Variants in PHKB observed in about 807,000 individuals in gnomAD.
The protein encoded by PHKB is phosphorylase kinase regulatory subunit beta.
Under a neutral mutation model 152.1 loss-of-function variants are expected in PHKB, and 122 were observed. The observed-to-expected ratio is 0.80, with a 90% CI of 0.69 to 0.93. PHKB has a LOEUF of 0.93. PHKB is among the 40% of genes least tolerant of loss of function. The pLI is 0.00. For synonymous variants in PHKB, 436 were observed against 464.9 expected (o/e 0.94, Z 0.80); for missense variants, 1,304 against 1,328.4 (o/e 0.98, Z 0.29).
At chr16:47,695,116 C>T (rs1301433672) in intron 28 of PHKB, among the ~76,000 whole-genome samples, 1 of 152,134 alleles carries the variant, frequency 6.6e-6, no homozygotes, top group East Asian at 1.9e-4. Context: ...GTAGCTGCCC[C>T]AGGATGTGAC....
chr16:47,671,860 A>G (rs780464252), intron 26 of PHKB, among the ~76,000 whole-genome samples: 2 of 152,206 alleles, frequency 1.3e-5, no homozygotes, highest in Non-Finnish European at 2.9e-5. Context: ...TGCTACCTAC[A>G]GTGAACAAGA....
chr16:47,480,095 T>C (rs147430927), intron 1 of PHKB, among the ~76,000 whole-genome samples: 2 of 152,310 alleles, frequency 1.3e-5, no homozygotes, highest in Admixed American at 6.5e-5. Context: ...CTACAGTAAT[T>C]AGTGATCCCT....
At chr16:47,486,134 A>T (rs1416624068) in intron 1 of PHKB, among the ~76,000 whole-genome samples, 1 of 152,198 alleles carries the variant, frequency 6.6e-6, no homozygotes, top group African/African-American at 2.4e-5. Flanking sequence ...ACATTAATCA[A>T]ATGGTGAAAA....
intron 1 of PHKB, among the ~76,000 whole-genome samples, chr16:47,472,801 G>A (rs938237412): frequency 6.6e-6 from 1 of 151,308 alleles, no homozygotes; most frequent in African/African-American, 2.4e-5. Flanking sequence ...ACAAAAATTA[G>A]CCAGGTGTTG....
At chr16:47,543,543 C>G (rs972930515) in intron 6 of PHKB, among the ~76,000 whole-genome samples, 2 of 152,130 alleles carry the variant, frequency 1.3e-5, no homozygotes, top group South Asian at 2.1e-4. Context: ...TTCCCTCTTT[C>G]TCTATTGATT....
At chr16:47,566,590 G>C in intron 7 of PHKB, 1 of 1,504,050 alleles carries the variant, frequency 6.6e-7, no homozygotes, top group Non-Finnish European at 9.2e-7. Context: ...TCATAGGGTA[G>C]GTTCCCTAGA....
chr16:47,650,398 A>G (rs1227536311), intron 18 of PHKB, 146 bp from the exon 19 acceptor site: 2 of 678,868 alleles, frequency 2.9e-6, no homozygotes, highest in Non-Finnish European at 5.4e-6. Context: ...GAGTACTTCT[A>G]CCCCTAAGTA....
At chr16:47,663,893 T>C (rs1973489442) in intron 24 of PHKB, 159 bp downstream of exon 24, 1 of 660,710 alleles carries the variant, frequency 1.5e-6, no homozygotes, top group Admixed American at 2.2e-5. Context: ...ATGTAGCATG[T>C]CTGTCCCCCC....
chr16:47,581,644 CT>C (rs1251272980), intron 8 of PHKB, among the ~76,000 whole-genome samples: 1 of 152,160 alleles, frequency 6.6e-6, no homozygotes, highest in African/African-American at 2.4e-5. Context: ...AGAGATTAAA[CT>C]TTTAATAAAT....
chr16:47,544,578 T>G (rs1186747524), intron 6 of PHKB, among the ~76,000 whole-genome samples: 1 of 152,172 alleles, frequency 6.6e-6, no homozygotes, highest in African/African-American at 2.4e-5. Context: ...ATTTGGGGTG[T>G]AGAGTTCTGT....
chr16:47,660,944 T>G, intron 22 of PHKB, 125 bp downstream of exon 22: 1 of 910,376 alleles, frequency 1.1e-6, no homozygotes, highest in Non-Finnish European at 1.8e-6. Flanking sequence ...GTGGATGACT[T>G]GTCTACTCCC....
Position 47,461,426 on chromosome 16 carries a change from G to C in PHKB, c.76G>C (p.Gly26Arg). 2 of 1,613,242 alleles carry C rather than the reference G, an allele frequency of 1.2e-6. No homozygotes were observed. Among genetic ancestry groups the C allele is most frequent in the Non-Finnish European group, 1.7e-6 (2 of 1,179,792 alleles). The change falls in exon 1 of 31, where the codon GGC (glycine) becomes CGC (arginine). Residue 26 changes from glycine (G) to arginine (R), a missense_variant and splice_region_variant. Transcript: ENST00000323584. Reference protein sequence around the residue: ...LERRARTKRSGSVYEPLKSIN... With the variant: ...LERRARTKRSRSVYEPLKSIN... ...GCGAAGAGCTCGGACCAAGCGCTCA[G>C]GTTTGGCTGGCTGGGGCGCCGCCCC...
chr16:47,503,325 G>T lies in PHKB; in HGVS notation c.405+235G>T, dbSNP rs182518842. On this transcript the variant is annotated intron_variant, in intron 4 of 30. Transcript: ENST00000323584. ...AGAATTGTTATTTAGACTTGGATTT[G>T]TTTGTGTTTTGCATCTGGTGTTGCT... 1.5e-3 allele frequency among the ~76,000 whole-genome samples: 236 copies of T among 152,308 alleles called. 3 individuals carry two copies. Among genetic ancestry groups the T allele is most frequent in the Middle Eastern group, 3.4e-3 (1 of 294 alleles).
chr16:47,669,733 A>G (rs953684463), intron 26 of PHKB, among the ~76,000 whole-genome samples: 4 of 152,244 alleles, frequency 2.6e-5, no homozygotes, highest in Non-Finnish European at 5.9e-5. Context: ...AAATTCCTAG[A>G]AATAAAATGG....
In PHKB at chr16:47,515,429, G is replaced by A. The variant is rs1194411810; in HGVS notation, c.514-92G>A. The A allele has an allele frequency of 3.3e-5, 24 of 735,976 alleles. 1 individual carries two copies. The highest frequency in any genetic ancestry group is 5.5e-5 in the Non-Finnish European group (22 of 400,454). The allele number at this position is 735,976 out of a possible 1,614,324, so 45.6% of individuals were successfully genotyped here. On this transcript the variant is annotated intron_variant, in intron 5 of 30. Coordinates refer to ENST00000323584, the MANE Select transcript of PHKB (RefSeq NM_000293.3). ...GAAATAGTTTTATGACACTATTAGA[G>A]CAAATGACTTGTAATTTTAGCCTTA... is the stretch of plus-strand genomic sequence containing the variant.
chr16:47,601,180 G>T (rs1439124012), intron 13 of PHKB, among the ~76,000 whole-genome samples: 2 of 152,142 alleles, frequency 1.3e-5, no homozygotes, highest in East Asian at 3.9e-4. Flanking sequence ...TTGCACCACT[G>T]CACTGTAGCC....
At chr16:47,479,428 C>T (rs1969926742) in intron 1 of PHKB, among the ~76,000 whole-genome samples, 1 of 151,966 alleles carries the variant, frequency 6.6e-6, no homozygotes, top group African/African-American at 2.4e-5. Flanking sequence ...CATCTCACAC[C>T]CTCTCTTCTT....
intron 26 of PHKB, among the ~76,000 whole-genome samples, chr16:47,675,036 G>C (rs1029462899): frequency 6.6e-6 from 1 of 152,244 alleles, no homozygotes; most frequent in East Asian, 1.9e-4. Context: ...CAGAGGAAGA[G>C]ATCTAATGTT....
Position 47,696,480 on chromosome 16 carries a change from G to A in PHKB, c.2995G>A (p.Val999Ile), listed in dbSNP as rs375389167. ...NIDQPQYRQIVVELLMVVSIV... is the reference protein window; with the variant it reads ...NIDQPQYRQIIVELLMVVSIV... ...TGACCAGCCACAGTACAGACAGATC[G>A]TTGTAGAGGTGAGTAGTAAGAAATG... is the stretch of plus-strand genomic sequence containing the variant. Residue 999 changes from valine to isoleucine, a missense_variant, in exon 29 of 31, where the codon GTT becomes ATT. Physicochemically the swap from Val to Ile is conservative, Grantham distance 29 (BLOSUM62 3). Transcript: ENST00000323584. 63 of 1,553,338 alleles carry A rather than the reference G, an allele frequency of 4.1e-5. No homozygotes were observed. The highest frequency in any genetic ancestry group is 1.7e-4 in the Middle Eastern group (1 of 5,954).
Sources: gnomAD v4.1 joint callset for allele counts (sites outside exome capture counted in the v4.1 genomes callset) on GRCh38, gnomAD v4.1.1 for gene constraint, MANE v1.5 for transcripts, NCBI Gene and HGNC (gene_info 2026-07-23, HGNC 2026-07-21) for gene names.